Variants in IFI44 observed in about 807,000 individuals in gnomAD.
IFI44 encodes the protein interferon-induced protein 44.
In IFI44, 42 loss-of-function variants were observed where a neutral mutation model predicts 45.0. That is an observed-to-expected ratio of 0.93 (90% CI 0.73 to 1.21). The LOEUF (loss-of-function observed/expected upper bound fraction) is 1.21. IFI44 is among the 50% of genes most tolerant of loss of function. The pLI is 0.00. For missense variants in IFI44, 623 were observed against 525.8 expected (o/e 1.18, Z -1.81); for synonymous variants, 221 against 188.6 (o/e 1.17, Z -1.41).
rs958650572 is a variant in IFI44, at chr1:78,663,931, G to A, written c.*120G>A. 1.2e-6 allele frequency: 1 copy of A among 826,664 alleles called. No homozygotes were observed. The highest frequency in any genetic ancestry group is 3.1e-5 in the Admixed American group (1 of 32,356). The allele number at this position is 826,664 out of a possible 1,614,324, so 51.2% of individuals were successfully genotyped here. ...AGGGATGTGTTTTATTAATGTCTAG[G>A]ATGAAGAAATGCATAGAACATTGTA... On this transcript the variant is annotated 3_prime_UTR_variant, in exon 9 of 9. Transcript: ENST00000370747.
At chr1:78,656,713 T>C (rs1465291101) in intron 5 of IFI44, among the ~76,000 whole-genome samples, 1 of 150,996 alleles carries the variant, frequency 6.6e-6, no homozygotes, top group South Asian at 2.1e-4. Flanking sequence ...GTTGTTTAGA[T>C]TGAAATTATA....
chr1:78,659,732 C>T (rs1647347116), intron 6 of IFI44, among the ~76,000 whole-genome samples: 1 of 152,124 alleles, frequency 6.6e-6, no homozygotes, highest in African/African-American at 2.4e-5. Flanking sequence ...CTCTTAGAGA[C>T]TTTTTTGTTA....
At chr1:78,654,408 T>C in intron 3 of IFI44, 129 bp downstream of exon 3, 1 of 541,412 alleles carries the variant, frequency 1.8e-6, no homozygotes, top group South Asian at 2.7e-5. Flanking sequence ...GAACAAACTG[T>C]ATTTATAATC....
At chr1:78,652,274 G>T (rs576328729) in intron 2 of IFI44, among the ~76,000 whole-genome samples, 2 of 152,228 alleles carry the variant, frequency 1.3e-5, no homozygotes, top group Admixed American at 6.5e-5. Flanking sequence ...ATAGAGACAG[G>T]GTTTCACCTT....
intron 5 of IFI44, among the ~76,000 whole-genome samples, chr1:78,658,126 T>G (rs1482128024): frequency 6.6e-6 from 1 of 152,096 alleles, no homozygotes; most frequent in Non-Finnish European, 1.5e-5. Context: ...CTTATTCAAA[T>G]TCAGTACTAG....
intron 6 of IFI44, among the ~76,000 whole-genome samples, chr1:78,660,182 C>A (rs1647367672): frequency 6.6e-6 from 1 of 152,172 alleles, no homozygotes; most frequent in African/African-American, 2.4e-5. Flanking sequence ...CTTGAGGATT[C>A]TTCTCCCCCA....
At chr1:78,656,539 A>G (rs1647215158) in intron 5 of IFI44, among the ~76,000 whole-genome samples, 1 of 151,982 alleles carries the variant, frequency 6.6e-6, no homozygotes, top group South Asian at 2.1e-4. Context: ...TATATTATCT[A>G]ATTGCTTTAA....
At chr1:78,654,093 C>G (rs988180706) in intron 2 of IFI44, 150 bp from the exon 3 acceptor site, 3 of 634,974 alleles carry the variant, frequency 4.7e-6, no homozygotes, top group Non-Finnish European at 8.4e-6. Context: ...ATTTGCTCTA[C>G]AAAATTGCTC....
At chr1:78,657,513 A>T (rs1437771293) in intron 5 of IFI44, among the ~76,000 whole-genome samples, 1 of 152,132 alleles carries the variant, frequency 6.6e-6, no homozygotes, top group Non-Finnish European at 1.5e-5. Flanking sequence ...ATGGGGATTT[A>T]TCCCTTTTCT....
chr1:78,656,617 A>G (rs1345292775), intron 5 of IFI44, among the ~76,000 whole-genome samples: 1 of 151,274 alleles, frequency 6.6e-6, no homozygotes, highest in Non-Finnish European at 1.5e-5. Context: ...TATTACTCCT[A>G]TTTGTTTTTC....
intron 7 of IFI44, among the ~76,000 whole-genome samples, chr1:78,661,660 T>C (rs1357118195): frequency 1.3e-5 from 2 of 152,010 alleles, no homozygotes; most frequent in Non-Finnish European, 2.9e-5. Flanking sequence ...TGACAAGAGA[T>C]TATGTACGAT....
At chr1:78,653,007 T>C (rs546398877) in intron 2 of IFI44, among the ~76,000 whole-genome samples, 1 of 152,266 alleles carries the variant, frequency 6.6e-6, no homozygotes, top group South Asian at 2.1e-4. Context: ...ACTATTTTGG[T>C]ATATGAGTGG....
intron 6 of IFI44, 123 bp from the exon 7 acceptor site, chr1:78,660,431 G>C (rs1174295810): frequency 1.5e-6 from 1 of 685,252 alleles, no homozygotes; most frequent in African/African-American, 1.8e-5. Context: ...GGGTGACCGG[G>C]GTGTGGGGGA....
At position 78,650,526 on chromosome 1, in the gene IFI44, C is replaced by T. The variant is rs2100426811; in HGVS notation, c.331C>T (p.Pro111Ser). 6.2e-7 allele frequency: 1 copy of T among 1,613,470 alleles called. No individual in the cohort carries two copies. Among genetic ancestry groups the T allele is most frequent in the African/African-American group, 1.3e-5 (1 of 75,018 alleles). Residue 111 changes from proline (P) to serine (S), a missense_variant, in exon 2 of 9, where the codon CCA becomes TCA. Transcript: ENST00000370747. ...TTGTGATGTTACAAAATATAACTCC[C>T]CAACTAATTTCCAGATAGATGGAAG... The part of the protein sequence containing the change: ...FCCDVTKYNS[P>S]TNFQIDGRNR...
rs773017684 is a variant in IFI44, at chr1:78,662,660, A to G, written c.1114-44A>G. ...ATAATTTATACTAACATAAAATAATATTTTTCACTGTTTTGCAATGTCTTT... is the reference window on the plus strand; with the variant it reads ...ATAATTTATACTAACATAAAATAATGTTTTTCACTGTTTTGCAATGTCTTT... On this transcript the variant is annotated intron_variant, in intron 7 of 8. Coordinates refer to ENST00000370747, the MANE Select transcript of IFI44 (RefSeq NM_006417.5). 10 of 1,423,492 alleles carry G rather than the reference A, an allele frequency of 7.0e-6. No individual in the cohort carries two copies. In the Admixed American group the frequency reaches 1.3e-4, roughly 19 times the overall value. 88.2% of individuals were successfully genotyped at this position (1,423,492 alleles called of 1,614,324 possible).
At chr1:78,663,397 C>A (rs765610359) in intron 8 of IFI44, 2 of 984,826 alleles carry the variant, frequency 2.0e-6, no homozygotes, top group African/African-American at 1.7e-5. Context: ...TAATGGCCAC[C>A]GCATTTAGTA....
intron 5 of IFI44, among the ~76,000 whole-genome samples, chr1:78,657,902 G>A (rs1647260398): frequency 6.6e-6 from 1 of 151,986 alleles, no homozygotes. Flanking sequence ...TGGATCCTGA[G>A]TCCTTTTGAC....
At chr1:78,663,372 G>A (rs1239963553) in intron 8 of IFI44, 2 of 985,152 alleles carry the variant, frequency 2.0e-6, no homozygotes, top group Admixed American at 1.2e-4. Flanking sequence ...CTAGGTAGAG[G>A]TATGTCCTTT....
chr1:78,655,579 C>T (rs1647194914), intron 5 of IFI44, 68 bp downstream of exon 5: 17 of 1,326,472 alleles, frequency 1.3e-5, no homozygotes, highest in South Asian at 4.3e-5. Flanking sequence ...AATGTATCAG[C>T]GTTTATCTTC....
Sources: gnomAD v4.1 joint callset for allele counts (sites outside exome capture counted in the v4.1 genomes callset) on GRCh38, gnomAD v4.1.1 for gene constraint, MANE v1.5 for transcripts, NCBI Gene and HGNC (gene_info 2026-07-23, HGNC 2026-07-21) for gene names.